The following CHD2 variants were observed in gnomAD, a reference collection of about 807,000 sequenced individuals.
CHD2 encodes chromodomain helicase DNA binding protein 2.
A neutral mutation model predicts 243.9 loss-of-function variants in CHD2; 28 were observed. That is an observed-to-expected ratio of 0.11 (90% CI 0.09 to 0.16). The LOEUF is 0.16. CHD2 is among the 10% of genes least tolerant of loss of function. The pLI is 1.00. For synonymous variants in CHD2, 775 were observed against 779.0 expected (o/e 0.99, Z 0.09); for missense variants, 1,386 against 2,209.8 (o/e 0.63, Z 7.47).
At chr15:92,991,147 GAC>G (rs35199180) in intron 26 of CHD2, among the ~76,000 whole-genome samples, 10,431 of 152,180 alleles carry the variant, frequency 0.069, 507 homozygotes, top group South Asian at 0.12. Context: ...AATCCTTTAT[GAC>G]ACAGTGAAGT....
At position 92,972,029 on chromosome 15, in the gene CHD2, T is replaced by C. The variant is rs147208181; in HGVS notation, c.2352+102T>C. ...TTCCTTGTTGGTGACCTATCAAGGA[T>C]CATCAAAGGAAGCTTTAAAAATGGG... On this transcript the variant is annotated intron_variant, in intron 18 of 38. Transcript: ENST00000394196. 2.5e-5 allele frequency: 32 copies of C among 1,277,674 alleles called. No individual in the cohort carries two copies. In the East Asian group the frequency reaches 7.8e-4, roughly 31 times the overall value. 79.1% of individuals were successfully genotyped at this position (1,277,674 alleles called of 1,614,324 possible).
rs1403603299 is a variant in CHD2, at chr15:92,972,202, A to G, written c.2353-63A>G. 112 of 1,504,260 alleles carry G rather than the reference A, an allele frequency of 7.4e-5. 1 individual carries two copies. The South Asian group carries it at 1.2e-3, about 17-fold the overall frequency. The allele number at this position is 1,504,260 out of a possible 1,614,324, so 93.2% of individuals were successfully genotyped here. On this transcript the variant is annotated intron_variant, in intron 18 of 38. Coordinates refer to ENST00000394196, the MANE Select transcript of CHD2 (RefSeq NM_001271.4). ...TGATTTTTAAAATATGGATTTGTAG[A>G]GATTAGGGAAGATTAAAATTTGTGT... is the stretch of plus-strand genomic sequence containing the variant.
intron 34 of CHD2, among the ~76,000 whole-genome samples, chr15:93,006,186 GC>G (rs1321250114): frequency 6.7e-6 from 1 of 148,530 alleles, no homozygotes; most frequent in African/African-American, 2.5e-5. Flanking sequence ...GATTGCAGTG[GC>G]TCAATCTCGG....
intron 10 of CHD2, 164 bp downstream of exon 10, chr15:92,944,679 G>T: frequency 2.6e-6 from 1 of 385,306 alleles, no homozygotes; most frequent in Non-Finnish European, 4.7e-6. Context: ...TTTGGATGTG[G>T]GGGATGAGAG....
At chr15:92,922,348 G>A (rs531041546) in intron 2 of CHD2, among the ~76,000 whole-genome samples, 1 of 152,078 alleles carries the variant, frequency 6.6e-6, no homozygotes, top group Non-Finnish European at 1.5e-5. Flanking sequence ...AAAGTACTTA[G>A]CCTAGTGTCT....
chr15:92,914,599 C>A (rs2052800178), intron 2 of CHD2, among the ~76,000 whole-genome samples: 1 of 152,142 alleles, frequency 6.6e-6, no homozygotes, highest in South Asian at 2.1e-4. Context: ...TCTGTCCTTA[C>A]TGCTGGATTT....
chr15:92,941,249 C>T (rs1246946237), intron 7 of CHD2, among the ~76,000 whole-genome samples: 1 of 151,810 alleles, frequency 6.6e-6, no homozygotes, highest in Non-Finnish European at 1.5e-5. Context: ...GTGTCAGCCT[C>T]CCAAAGTGCT....
chr15:92,988,671 C>A (rs572131092), intron 26 of CHD2, among the ~76,000 whole-genome samples: 1 of 152,004 alleles, frequency 6.6e-6, no homozygotes, highest in Non-Finnish European at 1.5e-5. Flanking sequence ...CTGTTTCTCA[C>A]GTGGGATAAT....
chr15:92,942,904 T>C lies in CHD2; in HGVS notation c.888T>C (p.Phe296=). 1 of 1,614,066 alleles carries C rather than the reference T, an allele frequency of 6.2e-7. No homozygotes were observed. Among genetic ancestry groups the C allele is most frequent in the South Asian group, 1.1e-5 (1 of 91,078 alleles). ...IEANGDPSGD[F]DTEKDEGEIQ... is the part of the protein sequence containing the mutation. Reference sequence around the variant, plus strand: ...CTAATGGCGACCCTAGTGGTGACTTTGACACTGAAAAGGATGAAGGTGAAA... The same window carrying C: ...CTAATGGCGACCCTAGTGGTGACTTCGACACTGAAAAGGATGAAGGTGAAA... The change falls in exon 9 of 39, where the codon TTT becomes TTC. Residue 296 remains phenylalanine (F), a synonymous_variant. Coordinates refer to ENST00000394196, the MANE Select transcript of CHD2 (RefSeq NM_001271.4).
intron 16 of CHD2, among the ~76,000 whole-genome samples, chr15:92,960,839 C>T (rs776555129): frequency 1.3e-5 from 2 of 151,126 alleles, no homozygotes; most frequent in Non-Finnish European, 2.9e-5. Flanking sequence ...CTCAGCCTTC[C>T]AGGTAGCTGG....
At chr15:92,973,617 C>G (rs2053871150) in intron 19 of CHD2, among the ~76,000 whole-genome samples, 1 of 152,224 alleles carries the variant, frequency 6.6e-6, no homozygotes, top group African/African-American at 2.4e-5. Flanking sequence ...CAGTTGCTGT[C>G]TTAGAATATA....
intron 2 of CHD2, among the ~76,000 whole-genome samples, chr15:92,920,936 C>A (rs1265504558): frequency 6.6e-6 from 1 of 152,102 alleles, no homozygotes; most frequent in African/African-American, 2.4e-5. Flanking sequence ...TAGTATGGGA[C>A]AAGTGGAGGC....
intron 36 of CHD2, 60 bp downstream of exon 36, chr15:93,012,504 C>CT: frequency 1.5e-6 from 2 of 1,298,446 alleles, no homozygotes; most frequent in South Asian, 1.3e-5. Context: ...AGAAAAATCT[C>CT]TTAATTTTTG....
intron 16 of CHD2, among the ~76,000 whole-genome samples, chr15:92,961,967 C>T (rs932500540): frequency 5.7e-5 from 8 of 139,358 alleles, no homozygotes; most frequent in East Asian, 2.6e-4. Context: ...CTGCAACCTC[C>T]GCCTTCCAGT....
rs574081357 is a variant in CHD2, at chr15:93,020,556, G to A, written c.5153+298G>A. On this transcript the variant is annotated intron_variant, in intron 38 of 38. Transcript: ENST00000394196. Reference sequence around the variant, plus strand: ...CAACCAAAATTATTAAGCTCTGTGCGAGGCTGTCAGCCACACTAGGTATCA... The same window carrying A: ...CAACCAAAATTATTAAGCTCTGTGCAAGGCTGTCAGCCACACTAGGTATCA... 1.5e-4 allele frequency: 84 copies of A among 563,622 alleles called. 1 individual carries two copies. Among genetic ancestry groups the A allele is most frequent in the Middle Eastern group, 4.7e-4 (1 of 2,140 alleles). 34.9% of individuals were successfully genotyped at this position (563,622 alleles called of 1,614,324 possible).
At chr15:92,935,585 G>A (rs2053252578) in intron 5 of CHD2, among the ~76,000 whole-genome samples, 2 of 152,096 alleles carry the variant, frequency 1.3e-5, no homozygotes, top group South Asian at 4.1e-4. Flanking sequence ...ATTCCTTCAA[G>A]CATGCTTCTA....
At chr15:92,976,886 G>A (rs989467042) in intron 20 of CHD2, among the ~76,000 whole-genome samples, 1 of 149,078 alleles carries the variant, frequency 6.7e-6, no homozygotes, top group African/African-American at 2.5e-5. Context: ...GTGACAGAAT[G>A]AGACCCTGTC....
chr15:92,900,447 C>T lies in CHD2; in HGVS notation c.-449C>T. 2.5e-6 allele frequency: 1 copy of T among 397,052 alleles called. No homozygotes were observed. The highest frequency in any genetic ancestry group is 4.4e-6 in the Non-Finnish European group (1 of 225,128). 24.6% of individuals were successfully genotyped at this position (397,052 alleles called of 1,614,324 possible). The stretch of plus-strand genomic sequence containing the variant: ...GGGCAGCCTCAGGGGGCCCCCGTAG[C>T]CCCCTGCCTTTCCTAGGGACTTACT... On this transcript the variant is annotated 5_prime_UTR_variant, in exon 1 of 39. Transcript: ENST00000394196.
rs139820932 is a variant in CHD2 at position 93,002,843 on chromosome 15, TA to T, written c.4278+530del. On this transcript the variant is annotated intron_variant, in intron 33 of 38. Coordinates refer to ENST00000394196, the MANE Select transcript of CHD2 (RefSeq NM_001271.4). ...TATACTTGCTGACCTCTGAACACAG[TA>T]AAATCATTGCCAAAACACAAACAAC... is the stretch of plus-strand genomic sequence containing the variant. 8.0e-3 allele frequency among the ~76,000 whole-genome samples: 1,223 copies of T among 152,360 alleles called. 17 individuals carry two copies. Among genetic ancestry groups the T allele is most frequent in the African/African-American group, 0.028 (1,170 of 41,584 alleles).
Sources: gnomAD v4.1 joint callset for allele counts (sites outside exome capture counted in the v4.1 genomes callset) on GRCh38, gnomAD v4.1.1 for gene constraint, MANE v1.5 for transcripts, NCBI Gene and HGNC (gene_info 2026-07-23, HGNC 2026-07-21) for gene names.